Variants in KHDC4 observed in about 807,000 individuals in gnomAD.
KHDC4 encodes the protein KH domain containing 4, pre-mRNA splicing factor, also known as KH homology domain-containing protein 4.
Under a neutral mutation model 74.5 loss-of-function variants are expected in KHDC4, and 19 were observed. That is an observed-to-expected ratio of 0.26 (90% CI 0.18 to 0.37). The LOEUF is 0.37. Ranked by LOEUF, KHDC4 falls within the 10% of genes least tolerant of loss-of-function variation. The pLI, the probability that KHDC4 is intolerant of heterozygous loss-of-function variation, is 1.00. For missense variants in KHDC4, 632 were observed against 754.1 expected, an observed-to-expected ratio of 0.84 and a Z score of 1.90; for synonymous variants, 253 against 266.1, an observed-to-expected ratio of 0.95 and a Z score of 0.48.
At position 155,924,999 on chromosome 1, in the gene KHDC4, G is replaced by A. The variant is rs1321171711; in HGVS notation, c.893+633C>T. 3.3e-5 allele frequency among the ~76,000 whole-genome samples: 5 copies of A among 149,406 alleles called. 1 individual carries two copies. The highest frequency in any genetic ancestry group is 7.2e-3 in the Middle Eastern group (2 of 278). ...CTGCCTCAGCCTACTGAGCAGCTGG[G>A]ATTAAGGTGTACACCATAACACCTG... On this transcript the variant is annotated intron_variant, in intron 7 of 13. Coordinates refer to ENST00000368321, the MANE Select transcript of KHDC4 (RefSeq NM_014949.4).
chr1:155,930,552 G>A (rs567704684), intron 2 of KHDC4, among the ~76,000 whole-genome samples: 256 of 152,226 alleles, frequency 1.7e-3, no homozygotes, highest in African/African-American at 6.0e-3. Flanking sequence ...GCTGTACATG[G>A]AGTAAAACAC....
chr1:155,923,405 TTC>T (rs1673911229), intron 8 of KHDC4, among the ~76,000 whole-genome samples: 2 of 152,170 alleles, frequency 1.3e-5, no homozygotes, highest in African/African-American at 4.8e-5. Context: ...ATGGGATGAT[TTC>T]TCTCTCAAAG....
Position 155,914,024 on chromosome 1 carries a change from A to T in KHDC4, c.*97T>A. 1.9e-6 allele frequency: 2 copies of T among 1,073,278 alleles called. No individual in the cohort carries two copies. The highest frequency in any genetic ancestry group is 2.8e-6 in the Non-Finnish European group (2 of 702,618). 66.5% of individuals were successfully genotyped at this position (1,073,278 alleles called of 1,614,324 possible). ...ATCTCTAACTTCTGCAAAGGTCCAG[A>T]TGGTTCCCAGCACAGGCCCCAGAGT... is the stretch of plus-strand genomic sequence containing the variant. On this transcript the variant is annotated 3_prime_UTR_variant, in exon 14 of 14. Transcript: ENST00000368321.
intron 8 of KHDC4, among the ~76,000 whole-genome samples, chr1:155,922,848 A>G (rs1673896502): frequency 6.6e-6 from 1 of 152,190 alleles, no homozygotes; most frequent in Non-Finnish European, 1.5e-5. Flanking sequence ...GCTACCCAAT[A>G]AGGCACCAGA....
At chr1:155,917,760 A>C (rs2102597594) in intron 10 of KHDC4, 88 bp from the exon 11 acceptor site, 1 of 1,110,232 alleles carries the variant, frequency 9.0e-7, no homozygotes, top group South Asian at 1.7e-5. Flanking sequence ...TTTAAGGATC[A>C]ATAAGTATCA....
intron 10 of KHDC4, among the ~76,000 whole-genome samples, chr1:155,919,478 C>T (rs1182163605): frequency 6.6e-6 from 1 of 152,046 alleles, no homozygotes; most frequent in Non-Finnish European, 1.5e-5. Context: ...AGTTTGTGAC[C>T]AGCCTGGCCA....
At chr1:155,916,848 TA>T (rs1276365259) in intron 11 of KHDC4, 111 bp from the exon 12 acceptor site, 1 of 704,186 alleles carries the variant, frequency 1.4e-6, no homozygotes, top group East Asian at 2.5e-5. Context: ...TGTAGTACGT[TA>T]AACTACTACA....
chr1:155,926,602 C>T, intron 6 of KHDC4, 74 bp downstream of exon 6: 1 of 1,498,186 alleles, frequency 6.7e-7, no homozygotes, highest in Non-Finnish European at 9.3e-7. Flanking sequence ...CAGGAATGAG[C>T]CACTGTGCCT....
chr1:155,915,483 G>A (rs1435659507), intron 13 of KHDC4: 1 of 173,732 alleles, frequency 5.8e-6, no homozygotes, highest in Non-Finnish European at 1.2e-5. Flanking sequence ...ATGAACATCA[G>A]GTTAGAAAAT....
At chr1:155,924,256 C>A (rs1475713004) in intron 7 of KHDC4, among the ~76,000 whole-genome samples, 1 of 152,164 alleles carries the variant, frequency 6.6e-6, no homozygotes, top group Non-Finnish European at 1.5e-5. Context: ...GTTGCCCAGG[C>A]TGGAGTGCAG....
At chr1:155,933,561 G>A (rs1674188894) in intron 2 of KHDC4, 72 bp downstream of exon 2, 1 of 1,250,418 alleles carries the variant, frequency 8.0e-7, no homozygotes, top group African/African-American at 1.5e-5. Context: ...TGGGATTACA[G>A]GCGTAAGCCA....
intron 4 of KHDC4, among the ~76,000 whole-genome samples, chr1:155,927,822 AAAAAAAAAAC>A (rs1674041600): frequency 1.9e-5 from 2 of 105,156 alleles, no homozygotes; most frequent in Non-Finnish European, 3.8e-5. Context: ...AAAAAAAAAA[AAAAAAAAAAC>A]CACACACACA....
At chr1:155,918,841 A>AT (rs1474861442) in intron 10 of KHDC4, among the ~76,000 whole-genome samples, 1 of 152,128 alleles carries the variant, frequency 6.6e-6, no homozygotes, top group East Asian at 1.9e-4. Flanking sequence ...AACCTCTGAG[A>AT]TTTTTATCAC....
chr1:155,919,927 A>C (rs753426194), intron 10 of KHDC4: 1 of 497,334 alleles, frequency 2.0e-6, no homozygotes, highest in African/African-American at 2.0e-5. Context: ...AACCCCCTTC[A>C]GTGCTCACAG....
rs1438885137 is a variant in KHDC4, at chr1:155,934,395, A to G, written c.-22T>C. Reference sequence around the variant, plus strand: ...ACATGGCGACCGCTTCTACTCAACCACCCGCCAACTATCCGACTACCACCT... The same window carrying G: ...ACATGGCGACCGCTTCTACTCAACCGCCCGCCAACTATCCGACTACCACCT... On this transcript the variant is annotated 5_prime_UTR_variant, in exon 1 of 14. Transcript: ENST00000368321. 1.2e-6 allele frequency: 2 copies of G among 1,609,740 alleles called. No individual in the cohort carries two copies. The highest frequency in any genetic ancestry group is 1.1e-5 in the South Asian group (1 of 90,874).
Position 155,914,323 on chromosome 1 carries a change from AG to A in KHDC4, c.1646-4del. 6.2e-7 allele frequency: 1 copy of A among 1,612,550 alleles called. No individual in the cohort carries two copies. Among genetic ancestry groups the A allele is most frequent in the Non-Finnish European group, 8.5e-7 (1 of 1,178,740 alleles). On this transcript the variant is annotated splice_region_variant and splice_polypyrimidine_tract_variant and intron_variant, in intron 13 of 13. Transcript: ENST00000368321. ...TTTCATCTTCTTGGCTGGATAATCT[AG>A]AATAGAGAAAAAACAACCCCAACCC...
Position 155,933,869 on chromosome 1 carries a change from A to G in KHDC4, c.39-20T>C, listed in dbSNP as rs2102612264. Reference sequence around the variant, plus strand: ...CGGCGCCTACATGGAGAAAAAGGAAAACATTAGGCCCCAAAGCTTTCGTGT... The same window carrying G: ...CGGCGCCTACATGGAGAAAAAGGAAGACATTAGGCCCCAAAGCTTTCGTGT... On this transcript the variant is annotated intron_variant, in intron 1 of 13. Transcript: ENST00000368321. 6.7e-7 allele frequency: 1 copy of G among 1,500,322 alleles called. No individual in the cohort carries two copies. The highest frequency in any genetic ancestry group is 8.9e-7 in the Non-Finnish European group (1 of 1,118,304). 92.9% of individuals were successfully genotyped at this position (1,500,322 alleles called of 1,614,324 possible). A position where few individuals can be genotyped will look rare whatever the true frequency, so the allele number is the denominator to read the frequency against.
chr1:155,914,364 GAAA>G, intron 13 of KHDC4, 44 bp from the exon 14 acceptor site: 1 of 1,103,784 alleles, frequency 9.1e-7, no homozygotes, highest in Non-Finnish European at 1.3e-6. Context: ...CCCGCCAAGG[GAAA>G]AAAAAAAATA....
chr1:155,916,786 T>C, intron 11 of KHDC4, 49 bp from the exon 12 acceptor site: 4 of 1,263,716 alleles, frequency 3.2e-6, no homozygotes, highest in Non-Finnish European at 3.5e-6. Flanking sequence ...AACTGCCGTA[T>C]TGACTTTAGC....
Sources: gnomAD v4.1 joint callset for allele counts (sites outside exome capture counted in the v4.1 genomes callset) on GRCh38, gnomAD v4.1.1 for gene constraint, MANE v1.5 for transcripts, NCBI Gene and HGNC (gene_info 2026-07-23, HGNC 2026-07-21) for gene names.